ZMAT4: variants seen among roughly 807,000 people sequenced by gnomAD.
ZMAT4 encodes the protein zinc finger matrin-type 4.
ZMAT4 carries 17 observed loss-of-function variants against 28.7 expected under a neutral mutation model. That is an observed-to-expected ratio of 0.59 (90% CI 0.41 to 0.89). The LOEUF (loss-of-function observed/expected upper bound fraction) is 0.89. Ranked by LOEUF, ZMAT4 falls within the 40% of genes least tolerant of loss-of-function variation. ZMAT4 has a pLI of 0.00. For missense variants in ZMAT4, 240 were observed against 283.8 expected, an observed-to-expected ratio of 0.85 and a Z score of 1.11; for synonymous variants, 117 against 109.2, an observed-to-expected ratio of 1.07 and a Z score of -0.44.
chr8:40,545,327 G>A (rs1335968535), intron 6 of ZMAT4, among the ~76,000 whole-genome samples: 1 of 152,120 alleles, frequency 6.6e-6, no homozygotes, highest in African/African-American at 2.4e-5. Flanking sequence ...TAGGAACTGT[G>A]AGATAATAAA....
intron 6 of ZMAT4, among the ~76,000 whole-genome samples, chr8:40,549,105 C>G (rs1803289685): frequency 6.6e-6 from 1 of 152,074 alleles, no homozygotes; most frequent in Non-Finnish European, 1.5e-5. Context: ...TTAAAGGAAC[C>G]CTTTTGCCCC....
At chr8:40,751,324 G>A (rs566506268) in intron 3 of ZMAT4, among the ~76,000 whole-genome samples, 4 of 152,080 alleles carry the variant, frequency 2.6e-5, no homozygotes, top group South Asian at 4.2e-4. Flanking sequence ...GTGAGGCCTC[G>A]GGAAGCTTCC....
At chr8:40,806,120 C>T (rs371505877) in intron 2 of ZMAT4, among the ~76,000 whole-genome samples, 4 of 151,954 alleles carry the variant, frequency 2.6e-5, no homozygotes, top group African/African-American at 9.7e-5. Flanking sequence ...ATTTAAAAAC[C>T]AAAACGGTAA....
intron 5 of ZMAT4, among the ~76,000 whole-genome samples, chr8:40,585,307 A>G (rs1804630057): frequency 6.6e-6 from 1 of 152,170 alleles, no homozygotes; most frequent in Non-Finnish European, 1.5e-5. Flanking sequence ...CAGTTCAGAG[A>G]TAAAACAGAC....
intron 1 of ZMAT4, among the ~76,000 whole-genome samples, chr8:40,872,158 C>T (rs1817880397): frequency 6.6e-6 from 1 of 152,172 alleles, no homozygotes; most frequent in Non-Finnish European, 1.5e-5. Context: ...AGCTTCTCCA[C>T]TCCCATCACA....
chr8:40,646,382 A>T (rs567589106), intron 5 of ZMAT4, among the ~76,000 whole-genome samples: 1 of 151,740 alleles, frequency 6.6e-6, no homozygotes, highest in Non-Finnish European at 1.5e-5. Context: ...TATTGTAAAC[A>T]TACTTTAACT....
chr8:40,611,501 A>T (rs2118656824), intron 5 of ZMAT4, among the ~76,000 whole-genome samples: 1 of 152,126 alleles, frequency 6.6e-6, no homozygotes, highest in Admixed American at 6.5e-5. Context: ...CCACCACGCC[A>T]GGCTAATTTT....
intron 4 of ZMAT4, among the ~76,000 whole-genome samples, 185 bp from the exon 5 acceptor site, chr8:40,675,116 T>G (rs1429432810): frequency 6.6e-6 from 1 of 152,148 alleles, no homozygotes; most frequent in Non-Finnish European, 1.5e-5. Context: ...CAAATAAAAA[T>G]TCTTAATGTA....
intron 1 of ZMAT4, among the ~76,000 whole-genome samples, chr8:40,830,304 T>C (rs973158815): frequency 6.6e-6 from 1 of 152,116 alleles, no homozygotes; most frequent in Non-Finnish European, 1.5e-5. Context: ...ACCCACTAGG[T>C]AATGGTATAA....
intron 5 of ZMAT4, among the ~76,000 whole-genome samples, chr8:40,600,362 G>C (rs767378888): frequency 3.3e-5 from 5 of 152,086 alleles, no homozygotes; most frequent in Non-Finnish European, 7.4e-5. Context: ...CCTCCATTCT[G>C]GCATGAGCCA....
At chr8:40,538,657 T>A (rs1374346090) in intron 6 of ZMAT4, among the ~76,000 whole-genome samples, 1 of 152,198 alleles carries the variant, frequency 6.6e-6, no homozygotes, top group Admixed American at 6.5e-5. Flanking sequence ...ATCTGGTTAA[T>A]CCTTGTTTGT....
At chr8:40,545,863 A>G (rs1803185865) in intron 6 of ZMAT4, among the ~76,000 whole-genome samples, 1 of 151,772 alleles carries the variant, frequency 6.6e-6, no homozygotes, top group African/African-American at 2.4e-5. Context: ...AAGGTGTGAT[A>G]CCAAGCAGGA....
intron 3 of ZMAT4, among the ~76,000 whole-genome samples, chr8:40,754,410 T>C (rs1490270393): frequency 1.3e-5 from 2 of 152,162 alleles, no homozygotes; most frequent in Admixed American, 6.5e-5. Context: ...AAGTTATAAC[T>C]ATGATATATA....
chr8:40,580,898 C>G (rs942436396), intron 6 of ZMAT4, among the ~76,000 whole-genome samples: 3 of 152,042 alleles, frequency 2.0e-5, no homozygotes, highest in Non-Finnish European at 4.4e-5. Flanking sequence ...TTTTAAAACA[C>G]TTAGCATAGA....
chr8:40,893,550 C>T (rs1168228024), intron 1 of ZMAT4, among the ~76,000 whole-genome samples: 2 of 152,200 alleles, frequency 1.3e-5, no homozygotes, highest in Non-Finnish European at 2.9e-5. Flanking sequence ...CCAGCCAGAG[C>T]TAAAAAGCGA....
chr8:40,834,821 G>A (rs1210080972), intron 1 of ZMAT4, among the ~76,000 whole-genome samples: 1 of 152,194 alleles, frequency 6.6e-6, no homozygotes, highest in Non-Finnish European at 1.5e-5. Flanking sequence ...CACCTAACAG[G>A]GAGACCAGGG....
intron 2 of ZMAT4, among the ~76,000 whole-genome samples, chr8:40,783,730 G>C (rs1813940872): frequency 6.6e-6 from 1 of 152,088 alleles, no homozygotes. Flanking sequence ...AGAAATTGAG[G>C]CCAGGCACAG....
rs188623882 is a variant in ZMAT4, at chr8:40,539,540, G to A, written c.675-7302C>T. Reference sequence around the variant, plus strand: ...CTTCCATACCAATTGTTACTAGTTGGATGTTCATGTACATGGTTATTAATT... The same window carrying A: ...CTTCCATACCAATTGTTACTAGTTGAATGTTCATGTACATGGTTATTAATT... On this transcript the variant is annotated intron_variant, in intron 6 of 6. Transcript: ENST00000297737. 2.1e-3 allele frequency among the ~76,000 whole-genome samples: 327 copies of A among 152,272 alleles called. 4 individuals are homozygous for A. Among genetic ancestry groups the A allele is most frequent in the African/African-American group, 7.4e-3 (309 of 41,562 alleles).
chr8:40,567,107 T>A (rs1803948293), intron 6 of ZMAT4, among the ~76,000 whole-genome samples: 1 of 152,118 alleles, frequency 6.6e-6, no homozygotes, highest in Non-Finnish European at 1.5e-5. Context: ...GACAGATATA[T>A]CTCTGGAGAG....
Sources: gnomAD v4.1 joint callset for allele counts (sites outside exome capture counted in the v4.1 genomes callset) on GRCh38, gnomAD v4.1.1 for gene constraint, MANE v1.5 for transcripts, NCBI Gene and HGNC (gene_info 2026-07-23, HGNC 2026-07-21) for gene names.